Variants in AFMID observed in about 807,000 individuals in gnomAD.
The protein encoded by AFMID is kynurenine formamidase.
Under a neutral mutation model 47.5 loss-of-function variants are expected in AFMID, and 39 were observed. The ratio of observed to expected loss-of-function variants is 0.82; its 90% CI spans 0.64 to 1.07. The LOEUF (loss-of-function observed/expected upper bound fraction) is 1.07. Ranked by LOEUF, AFMID falls within the 50% of genes least tolerant of loss-of-function variation. The pLI, the probability that AFMID is intolerant of heterozygous loss-of-function variation, is 0.00. For missense variants in AFMID, 375 were observed against 387.5 expected (o/e 0.97, Z 0.27); for synonymous variants, 130 against 153.2 (o/e 0.85, Z 1.12).
At chr17:78,201,019 C>T (rs1366709588) in intron 2 of AFMID, among the ~76,000 whole-genome samples, 1 of 151,756 alleles carries the variant, frequency 6.6e-6, no homozygotes, top group Admixed American at 6.6e-5. Flanking sequence ...TCTTTCGAGA[C>T]AGAATCTCGC....
intron 2 of AFMID, chr17:78,192,638 A>T (rs1384252596): frequency 2.1e-6 from 1 of 471,084 alleles, no homozygotes; most frequent in Non-Finnish European, 4.4e-6. Context: ...TCTTTAAAGA[A>T]ATCTGGACTT....
At chr17:78,187,478 G>C (rs375290838) in intron 1 of AFMID, 45 bp downstream of exon 1, 3 of 1,607,228 alleles carry the variant, frequency 1.9e-6, no homozygotes, top group South Asian at 1.1e-5. Flanking sequence ...GGCGGAGTTA[G>C]CTCATTTATT....
In AFMID at chr17:78,206,896, C is replaced by G; in HGVS notation, c.886-15C>G. 1.2e-6 allele frequency: 2 copies of G among 1,613,846 alleles called. No homozygotes were observed. The highest frequency in any genetic ancestry group is 1.7e-6 in the Non-Finnish European group (2 of 1,179,876). On this transcript the variant is annotated splice_polypyrimidine_tract_variant and intron_variant, in intron 10 of 10. Coordinates refer to ENST00000409257, the MANE Select transcript of AFMID (RefSeq NM_001010982.5). ...TCTGATTCTGGGGCTTTTGTGTCTT[C>G]TCTTCCTGTTCCAGATTATCTTGAA...
chr17:78,190,886 G>C, intron 1 of AFMID, 84 bp from the exon 2 acceptor site: 1 of 1,241,686 alleles, frequency 8.1e-7, no homozygotes, highest in Non-Finnish European at 1.2e-6. Flanking sequence ...AAGGCAGAGA[G>C]GAGCAGCCGG....
chr17:78,194,129 G>A (rs1303626575), intron 2 of AFMID, among the ~76,000 whole-genome samples: 1 of 138,304 alleles, frequency 7.2e-6, no homozygotes, highest in African/African-American at 2.6e-5. Flanking sequence ...TTTTTTCTTT[G>A]AGACAAGGCC....
intron 1 of AFMID, among the ~76,000 whole-genome samples, chr17:78,188,628 G>A (rs558835658): frequency 9.9e-5 from 15 of 150,978 alleles, no homozygotes; most frequent in African/African-American, 3.2e-4. Flanking sequence ...ACAGAGTCTC[G>A]CTCTATCGCC....
Position 78,204,654 on chromosome 17 carries a change from A to G in AFMID, c.309-2A>G, listed in dbSNP as rs753401860. The G allele has an allele frequency of 1.2e-6, 2 of 1,614,040 alleles. No homozygotes were observed. The highest frequency in any genetic ancestry group is 8.5e-7 in the Non-Finnish European group (1 of 1,180,038). On this transcript the variant is annotated splice_acceptor_variant, in intron 4 of 10. Transcript: ENST00000409257. LOFTEE classifies it high-confidence loss of function. The stretch of plus-strand genomic sequence containing the variant: ...AGCTGTCACATCTGTGTGTCTCTGC[A>G]GTAAGGATGAGTCTGCCTTCATGGT...
intron 1 of AFMID, among the ~76,000 whole-genome samples, chr17:78,188,813 G>A (rs4789549): frequency 6.6e-6 from 1 of 151,980 alleles, no homozygotes; most frequent in Non-Finnish European, 1.5e-5. Flanking sequence ...TAGCCAGGAT[G>A]GTCTCCAACT....
intron 10 of AFMID, among the ~76,000 whole-genome samples, chr17:78,206,544 C>G (rs2076387746): frequency 6.6e-6 from 1 of 150,522 alleles, no homozygotes; most frequent in South Asian, 2.1e-4. Context: ...GTAGCTGGGA[C>G]TACAAAGGCG....
At chr17:78,194,215 A>G (rs536037960) in intron 2 of AFMID, among the ~76,000 whole-genome samples, 1 of 150,556 alleles carries the variant, frequency 6.6e-6, no homozygotes, top group African/African-American at 2.4e-5. Flanking sequence ...GGTTCAAGCC[A>G]TTCTTGTGTC....
chr17:78,195,135 G>A (rs1464016961), intron 2 of AFMID, among the ~76,000 whole-genome samples: 2 of 152,070 alleles, frequency 1.3e-5, no homozygotes, highest in Non-Finnish European at 2.9e-5. Flanking sequence ...ATGGTGGTTG[G>A]TAGGGGCAAG....
At chr17:78,189,941 C>T (rs796716948) in intron 1 of AFMID, among the ~76,000 whole-genome samples, 9 of 150,312 alleles carry the variant, frequency 6.0e-5, no homozygotes, top group African/African-American at 2.2e-4. Flanking sequence ...AAGCTATTCT[C>T]CTGCTTCAGC....
chr17:78,193,702 G>A (rs1468370802), intron 2 of AFMID, among the ~76,000 whole-genome samples: 1 of 151,998 alleles, frequency 6.6e-6, no homozygotes, highest in African/African-American at 2.4e-5. Context: ...TAAAGGCCAG[G>A]CGTGGCAGCT....
chr17:78,206,063 C>T lies in AFMID; in HGVS notation c.885+13C>T, dbSNP rs755439747. On this transcript the variant is annotated intron_variant, in intron 10 of 10. Coordinates refer to ENST00000409257, the MANE Select transcript of AFMID (RefSeq NM_001010982.5). Reference sequence around the variant, plus strand: ...CGTGCTCACCCAGGTGGGGCCTCATCCCTGGCAGCCCTTTCATGGTAGACA... The same window carrying T: ...CGTGCTCACCCAGGTGGGGCCTCATTCCTGGCAGCCCTTTCATGGTAGACA... The T allele has an allele frequency of 2.0e-5, 32 of 1,610,122 alleles. No individual in the cohort carries two copies. The highest frequency in any genetic ancestry group is 2.5e-5 in the Non-Finnish European group (30 of 1,176,666).
At position 78,206,997 on chromosome 17, in the gene AFMID, A is replaced by G. The variant is rs1219516055; in HGVS notation, c.*60A>G. 2.6e-6 allele frequency: 4 copies of G among 1,560,696 alleles called. No individual in the cohort carries two copies. The highest frequency in any genetic ancestry group is 2.7e-6 in the Non-Finnish European group (3 of 1,131,686). On this transcript the variant is annotated 3_prime_UTR_variant, in exon 11 of 11. Transcript: ENST00000409257. Reference sequence around the variant, plus strand: ...CCCACCTTGGGAAGCCTCTCCAAAGAGCTTTCGGAGCTGACACTGACAGCT... The same window carrying G: ...CCCACCTTGGGAAGCCTCTCCAAAGGGCTTTCGGAGCTGACACTGACAGCT...
At chr17:78,206,676 C>T (rs555699601) in intron 10 of AFMID, among the ~76,000 whole-genome samples, 16 of 151,242 alleles carry the variant, frequency 1.1e-4, no homozygotes, top group African/African-American at 3.9e-4. Context: ...CTTCTTTCTT[C>T]TCCTCCTCCC....
At position 78,207,028 on chromosome 17, in the gene AFMID, T is replaced by A; in HGVS notation, c.*91T>A. ...CGGAGCTGACACTGACAGCTTCAGT[T>A]TCCCCCAGCACCCAGGAGAGCCTTG... On this transcript the variant is annotated 3_prime_UTR_variant, in exon 11 of 11. Transcript: ENST00000409257. 1 of 1,368,130 alleles carries A rather than the reference T, an allele frequency of 7.3e-7. No homozygotes were observed. Among genetic ancestry groups the A allele is most frequent in the Non-Finnish European group, 1.0e-6 (1 of 956,662 alleles). 84.7% of individuals were successfully genotyped at this position (1,368,130 alleles called of 1,614,324 possible).
intron 2 of AFMID, among the ~76,000 whole-genome samples, chr17:78,194,465 C>T (rs996141624): frequency 4.6e-5 from 7 of 151,942 alleles, no homozygotes; most frequent in African/African-American, 1.2e-4. Context: ...TATTTGTATT[C>T]GTCCTTACAA....
In AFMID at chr17:78,190,777, G is replaced by T. The variant is rs968528675; in HGVS notation, c.64-193G>T. On this transcript the variant is annotated intron_variant, in intron 1 of 10. Transcript: ENST00000409257. ...TTGGGGGACCTCATCTCCCCTTAAG[G>T]CTGCCAGCTGGCTAAAGGCACAGCG... 7 of 551,530 alleles carry T rather than the reference G, an allele frequency of 1.3e-5. No individual in the cohort carries two copies. In the African/African-American group the frequency reaches 1.3e-4, roughly 11 times the overall value. The allele number at this position is 551,530 out of a possible 1,614,324, so 34.2% of individuals were successfully genotyped here. A position where few individuals can be genotyped will look rare whatever the true frequency, so the allele number is the denominator to read the frequency against.
Sources: allele counts gnomAD v4.1 joint callset (sites outside exome capture counted in the v4.1 genomes callset), GRCh38; gene constraint gnomAD v4.1.1; transcripts MANE v1.5; gene names NCBI Gene and HGNC (gene_info 2026-07-23, HGNC 2026-07-21).